Variants in LRP1B observed in about 807,000 individuals in gnomAD.
LRP1B encodes low-density lipoprotein receptor-related protein 1B.
LRP1B carries 217 observed loss-of-function variants against 556.6 expected under a neutral mutation model. The ratio of observed to expected loss-of-function variants is 0.39; its 90% CI spans 0.35 to 0.44. LRP1B has a LOEUF of 0.44. LRP1B is among the 20% of genes least tolerant of loss of function. The probability of loss-of-function intolerance (pLI) is 1.00; values close to 1 mark genes in which losing one functional copy is unlikely to be tolerated. For synonymous variants in LRP1B, 2,047 were observed against 1,865.8 expected (o/e 1.10, Z -2.50); for missense variants, 5,053 against 5,620.8 (o/e 0.90, Z 3.23).
chr2:141,065,536 TC>T (rs1297752769), intron 7 of LRP1B, among the ~76,000 whole-genome samples: 1 of 151,952 alleles, frequency 6.6e-6, no homozygotes, highest in Non-Finnish European at 1.5e-5. Flanking sequence ...TGTTAATATT[TC>T]CAAAGAGTAG....
intron 31 of LRP1B, among the ~76,000 whole-genome samples, chr2:140,828,543 A>G: frequency 7.9e-6 from 1 of 127,020 alleles, no homozygotes; most frequent in Non-Finnish European, 1.6e-5. Flanking sequence ...TGGGAGGCGG[A>G]GCTTGCAGTG....
chr2:141,810,164 A>G (rs1180868796), intron 2 of LRP1B, 115 bp downstream of exon 2: 4 of 380,602 alleles, frequency 1.1e-5, no homozygotes, highest in Non-Finnish European at 1.4e-5. Context: ...AAAGAAAGAA[A>G]GAAGGAAAGA....
chr2:141,546,863 AT>A (rs1469881201), intron 2 of LRP1B, among the ~76,000 whole-genome samples: 1 of 152,058 alleles, frequency 6.6e-6, no homozygotes. Context: ...TACTTCTCCA[AT>A]TATTCTGTTT....
At chr2:140,291,319 T>TG (rs1553440647) in intron 84 of LRP1B, among the ~76,000 whole-genome samples, 2 of 57,422 alleles carry the variant, frequency 3.5e-5, no homozygotes, top group Middle Eastern at 9.1e-3. Flanking sequence ...TATATATATA[T>TG]TTTTATTATA....
chr2:141,170,597 G>C (rs1680462751), intron 7 of LRP1B, among the ~76,000 whole-genome samples: 1 of 152,044 alleles, frequency 6.6e-6, no homozygotes, highest in East Asian at 1.9e-4. Context: ...TGGGAAAATA[G>C]AAACCCTTCA....
At chr2:141,382,081 T>C (rs1689662117) in intron 3 of LRP1B, among the ~76,000 whole-genome samples, 2 of 152,152 alleles carry the variant, frequency 1.3e-5, no homozygotes, top group Non-Finnish European at 2.9e-5. Flanking sequence ...CCACCTAATT[T>C]TGTCTTCAGC....
intron 23 of LRP1B, 28 bp downstream of exon 23, chr2:140,902,892 T>C (rs1270120596): frequency 3.1e-6 from 5 of 1,606,016 alleles, no homozygotes; most frequent in African/African-American, 1.3e-5. Context: ...TTCTTAAATA[T>C]AGCAACACAC....
intron 3 of LRP1B, among the ~76,000 whole-genome samples, chr2:141,325,802 G>T (rs904985575): frequency 5.9e-5 from 9 of 152,092 alleles, no homozygotes; most frequent in South Asian, 2.1e-4. Flanking sequence ...GACCCAAAAA[G>T]AAGAAATTGT....
intron 7 of LRP1B, among the ~76,000 whole-genome samples, chr2:141,155,870 GA>G (rs1702053199): frequency 6.6e-6 from 1 of 152,104 alleles, no homozygotes; most frequent in Non-Finnish European, 1.5e-5. Context: ...ATGTGTAGCT[GA>G]AGATATTTTT....
chr2:141,692,194 T>TTGATAAA (rs1691559753), intron 2 of LRP1B, among the ~76,000 whole-genome samples: 2 of 151,992 alleles, frequency 1.3e-5, no homozygotes, highest in Non-Finnish European at 2.9e-5. Context: ...AAACTGACAT[T>TTGATAAA]TGATAAATTC....
chr2:140,603,211 G>A (rs1342504492), intron 41 of LRP1B, among the ~76,000 whole-genome samples: 1 of 151,992 alleles, frequency 6.6e-6, no homozygotes, highest in Admixed American at 6.6e-5. Flanking sequence ...AGGGTGATTA[G>A]TATGAAAATG....
chr2:141,932,781 A>G (rs1366120471), intron 1 of LRP1B, among the ~76,000 whole-genome samples: 1 of 152,076 alleles, frequency 6.6e-6, no homozygotes, highest in Non-Finnish European at 1.5e-5. Context: ...TATTTTGAAT[A>G]GAATATATCA....
chr2:140,412,716 G>T (rs1167599024), intron 66 of LRP1B, among the ~76,000 whole-genome samples: 2 of 151,932 alleles, frequency 1.3e-5, no homozygotes, highest in Non-Finnish European at 1.5e-5. Context: ...GCTTATGGAG[G>T]TTCATACACA....
chr2:141,228,046 C>T (rs568106982), intron 6 of LRP1B, among the ~76,000 whole-genome samples: 1 of 152,064 alleles, frequency 6.6e-6, no homozygotes, highest in Admixed American at 6.6e-5. Flanking sequence ...TCTGGCTCAA[C>T]CTCCCAAGTA....
intron 20 of LRP1B, among the ~76,000 whole-genome samples, chr2:140,925,053 C>T (rs926796518): frequency 3.9e-5 from 6 of 152,008 alleles, no homozygotes; most frequent in Non-Finnish European, 8.8e-5. Context: ...ATCATATTTA[C>T]ATTGTATTAG....
At chr2:142,084,500 A>T (rs954217023) in intron 1 of LRP1B, among the ~76,000 whole-genome samples, 1 of 152,136 alleles carries the variant, frequency 6.6e-6, no homozygotes, top group Non-Finnish European at 1.5e-5. Context: ...CATTTGTTCC[A>T]ATTTAGACTT....
chr2:141,840,599 C>T (rs1445282572), intron 1 of LRP1B, among the ~76,000 whole-genome samples: 4 of 151,970 alleles, frequency 2.6e-5, no homozygotes, highest in East Asian at 1.9e-4. Flanking sequence ...ATTGAGCATC[C>T]GCTTCCAGCC....
At chr2:141,471,268 ATT>A (rs1553518974) in intron 3 of LRP1B, among the ~76,000 whole-genome samples, 3 of 31,900 alleles carry the variant, frequency 9.4e-5, no homozygotes, top group Non-Finnish European at 7.9e-5. Flanking sequence ...ATACCCTGGT[ATT>A]TTTTTTTTTT....
intron 66 of LRP1B, among the ~76,000 whole-genome samples, chr2:140,399,281 T>C (rs1684392844): frequency 1.3e-5 from 2 of 152,152 alleles, no homozygotes; most frequent in African/African-American, 4.8e-5. Flanking sequence ...TATAGATTCC[T>C]GGAGAATTGC....
Sources: allele counts gnomAD v4.1 joint callset (sites outside exome capture counted in the v4.1 genomes callset), GRCh38; gene constraint gnomAD v4.1.1; transcripts MANE v1.5; gene names NCBI Gene and HGNC (gene_info 2026-07-23, HGNC 2026-07-21).